LINGO2: variants seen among roughly 807,000 people sequenced by gnomAD.
LINGO2 encodes leucine rich repeat and Ig domain containing 2, also known as leucine-rich repeat and immunoglobulin-like domain-containing nogo receptor-interacting protein 2.
LINGO2 carries 14 observed loss-of-function variants against 30.6 expected under a neutral mutation model. The ratio of observed to expected loss-of-function variants is 0.46; its 90% CI spans 0.30 to 0.72. The LOEUF (loss-of-function observed/expected upper bound fraction) is 0.72. LINGO2 is among the 30% of genes least tolerant of loss of function. The pLI, the probability that LINGO2 is intolerant of heterozygous loss-of-function variation, is 0.07. For synonymous variants in LINGO2, 317 were observed against 288.5 expected, an observed-to-expected ratio of 1.10 and a Z score of -1.00; for missense variants, 729 against 751.7, an observed-to-expected ratio of 0.97 and a Z score of 0.35.
intron 5 of LINGO2, among the ~76,000 whole-genome samples, chr9:27,963,649 C>A (rs1481740064): frequency 2.0e-5 from 3 of 148,832 alleles, no homozygotes; most frequent in Non-Finnish European, 4.4e-5. Context: ...AACCTTCTGA[C>A]AATCTATAAG....
chr9:28,719,464 A>T, the LINGO2 span, among the ~76,000 whole-genome samples: 10 of 151,802 alleles, frequency 6.6e-5, no homozygotes, highest in South Asian at 1.9e-3. Context: ...CTCCTCCCAA[A>T]CTCATCAGTG....
At chr9:28,795,983 TACACACACAC>T in the LINGO2 span, among the ~76,000 whole-genome samples, 4 of 138,166 alleles carry the variant, frequency 2.9e-5, no homozygotes, top group East Asian at 2.1e-4. Context: ...CAGTACTAGA[TACACACACAC>T]ACACACACAC....
chr9:28,913,259 G>A, the LINGO2 span, among the ~76,000 whole-genome samples: 1 of 151,946 alleles, frequency 6.6e-6, no homozygotes, highest in Non-Finnish European at 1.5e-5. Flanking sequence ...AATTATTAAT[G>A]ATTTTATTAT....
chr9:28,494,089 T>C (rs1313864646), intron 1 of LINGO2, among the ~76,000 whole-genome samples: 1 of 152,152 alleles, frequency 6.6e-6, no homozygotes. Flanking sequence ...GAATTAGGGA[T>C]TCATAGATTA....
intron 3 of LINGO2, among the ~76,000 whole-genome samples, chr9:28,338,372 T>C (rs1319907615): frequency 5.9e-5 from 9 of 152,134 alleles, no homozygotes; most frequent in African/African-American, 1.7e-4. Flanking sequence ...TTTACAGGCT[T>C]ATAGGTGGAA....
intron 1 of LINGO2, among the ~76,000 whole-genome samples, chr9:28,511,344 G>T (rs1023796943): frequency 6.6e-6 from 1 of 152,182 alleles, no homozygotes; most frequent in African/African-American, 2.4e-5. Context: ...CCTGAGGAAT[G>T]GTGCCATATT....
At chr9:28,377,777 A>C (rs971395952) in intron 2 of LINGO2, among the ~76,000 whole-genome samples, 2 of 152,174 alleles carry the variant, frequency 1.3e-5, no homozygotes, top group East Asian at 3.8e-4. Flanking sequence ...AGAAAACTTA[A>C]AAGATTAGTT....
At chr9:29,021,565 G>A in the LINGO2 span, among the ~76,000 whole-genome samples, 1 of 152,028 alleles carries the variant, frequency 6.6e-6, no homozygotes, top group African/African-American at 2.4e-5. Flanking sequence ...GCTGAGGCAG[G>A]AGAATTGCTT....
chr9:28,213,444 C>T (rs577243686), intron 4 of LINGO2, among the ~76,000 whole-genome samples: 6 of 151,262 alleles, frequency 4.0e-5, no homozygotes, highest in Non-Finnish European at 5.9e-5. Flanking sequence ...AACAGATAAG[C>T]ACAAAAATTG....
chr9:29,174,391 C>T, the LINGO2 span, among the ~76,000 whole-genome samples: 1 of 152,152 alleles, frequency 6.6e-6, no homozygotes, highest in South Asian at 2.1e-4. Flanking sequence ...AACTGAGGAA[C>T]AGAGTAAAAT....
At chr9:28,249,801 T>C (rs1239595920) in intron 4 of LINGO2, among the ~76,000 whole-genome samples, 2 of 152,218 alleles carry the variant, frequency 1.3e-5, no homozygotes, top group Admixed American at 6.5e-5. Flanking sequence ...TCATTACCAT[T>C]AACTTGACTT....
chr9:28,709,045 C>A, the LINGO2 span, among the ~76,000 whole-genome samples: 1 of 152,038 alleles, frequency 6.6e-6, no homozygotes, highest in Admixed American at 6.6e-5. Flanking sequence ...AATCTTATGT[C>A]CTCAAGGGTT....
chr9:28,489,896 CAAAAAAAAAAA>C (rs36068240), intron 1 of LINGO2, among the ~76,000 whole-genome samples: 1 of 66,920 alleles, frequency 1.5e-5, no homozygotes. Context: ...GACTTTGTCT[CAAAAAAAAAAA>C]AAAAAAAAAA....
the LINGO2 span, among the ~76,000 whole-genome samples, chr9:29,103,359 T>C: frequency 0.016 from 2,366 of 148,700 alleles, 78 homozygotes; most frequent in African/African-American, 0.053. Context: ...TTTGAAGAAA[T>C]GATGAAACAC....
intron 1 of LINGO2, among the ~76,000 whole-genome samples, chr9:28,480,407 T>C (rs1422662963): frequency 2.6e-5 from 4 of 152,038 alleles, no homozygotes; most frequent in Non-Finnish European, 4.4e-5. Context: ...AAATTTATTC[T>C]TTTTCAAGAG....
intron 1 of LINGO2, chr9:28,599,145 C>G (rs1825346552): frequency 6.6e-6 from 1 of 152,194 alleles, no homozygotes; most frequent in East Asian, 1.9e-4. Context: ...CCTTTGTTTT[C>G]TAGGCCTGCC....
chr9:29,091,605 G>A, the LINGO2 span, among the ~76,000 whole-genome samples: 1 of 151,990 alleles, frequency 6.6e-6, no homozygotes, highest in East Asian at 1.9e-4. Context: ...TGCAGTTCAT[G>A]AAGTGAAGAT....
the LINGO2 span, among the ~76,000 whole-genome samples, chr9:28,968,901 G>T: frequency 6.6e-6 from 1 of 152,150 alleles, no homozygotes; most frequent in Admixed American, 6.5e-5. Flanking sequence ...ATGCCTATGG[G>T]TAATAATAGT....
At chr9:28,964,234 T>C in the LINGO2 span, among the ~76,000 whole-genome samples, 2 of 151,846 alleles carry the variant, frequency 1.3e-5, no homozygotes, top group Non-Finnish European at 2.9e-5. Flanking sequence ...TTATATGAAA[T>C]TATATGAAAA....
Sources: gnomAD v4.1 joint callset for allele counts (sites outside exome capture counted in the v4.1 genomes callset) on GRCh38, gnomAD v4.1.1 for gene constraint, MANE v1.5 for transcripts, NCBI Gene and HGNC (gene_info 2026-07-23, HGNC 2026-07-21) for gene names.